Variants in USP6NL observed in about 807,000 individuals in gnomAD.
The protein encoded by USP6NL is USP6 N-terminal like, also known as USP6 N-terminal-like protein.
In USP6NL, 26 loss-of-function variants were observed where a neutral mutation model predicts 61.9. That is an observed-to-expected ratio of 0.42 (90% CI 0.31 to 0.58). USP6NL has a LOEUF of 0.58. Among genes scored for constraint, USP6NL ranks in the 20% least tolerant of loss-of-function variants. USP6NL has a pLI of 0.16. For missense variants in USP6NL, 1,114 were observed against 1,034.3 expected (o/e 1.08, Z -1.06); for synonymous variants, 432 against 390.1 (o/e 1.11, Z -1.27).
rs543403035 is a variant in USP6NL at position 11,478,470 on chromosome 10, A to G, written c.1078+3300T>C. 2.0e-5 allele frequency among the ~76,000 whole-genome samples: 3 copies of G among 152,270 alleles called. No homozygotes were observed. The highest frequency in any genetic ancestry group is 2.1e-4 in the South Asian group (1 of 4,824). ...GAAAAACTCAATTTTTAAAATATCA[A>G]TTTTCTCTCAAAAATCCTTAATGTC... On this transcript the variant is annotated intron_variant, in intron 14 of 14. Coordinates refer to ENST00000609104, the MANE Select transcript of USP6NL (RefSeq NM_014688.5). The surrounding 1 kb of genome is among the most constrained non-coding windows in gnomAD (Gnocchi z 6.8).
At chr10:11,494,482 C>T (rs533127271) in intron 7 of USP6NL, among the ~76,000 whole-genome samples, 7 of 152,148 alleles carry the variant, frequency 4.6e-5, no homozygotes, top group African/African-American at 9.6e-5. Flanking sequence ...TGTGTGGCGA[C>T]GAGAGAGTGC....
At chr10:11,503,714 A>C (rs1834315317) in intron 6 of USP6NL, among the ~76,000 whole-genome samples, 3 of 151,440 alleles carry the variant, frequency 2.0e-5, no homozygotes, top group Admixed American at 2.0e-4. Context: ...AATCTGTTTT[A>C]TTTTATCCCT....
At chr10:11,576,843 T>G (rs1025113594) in intron 2 of USP6NL, among the ~76,000 whole-genome samples, 26 of 152,172 alleles carry the variant, frequency 1.7e-4, no homozygotes, top group African/African-American at 6.3e-4. Flanking sequence ...GCTCTTTATC[T>G]TTCCACCCTT....
At chr10:11,559,475 C>A (rs1301241223) in intron 2 of USP6NL, among the ~76,000 whole-genome samples, 1 of 152,126 alleles carries the variant, frequency 6.6e-6, no homozygotes, top group East Asian at 1.9e-4. Context: ...ACTAGTAAGA[C>A]AGTACAGCTT....
intron 14 of USP6NL, among the ~76,000 whole-genome samples, chr10:11,466,723 C>T (rs1832470091): frequency 6.6e-6 from 1 of 152,116 alleles, no homozygotes; most frequent in African/African-American, 2.4e-5. Flanking sequence ...TGCACTAATA[C>T]AAACCTAGAT....
rs1236710126 is a variant in USP6NL at position 11,520,788 on chromosome 10, A to G, written c.156-2214T>C. On this transcript the variant is annotated intron_variant, in intron 4 of 14. Transcript: ENST00000609104. The surrounding 1 kb of genome is among the most constrained non-coding windows in gnomAD (Gnocchi z 5.2). ...TGTCTCTGGTTGTTTTCATGCTGCA[A>G]CAGCAGGGTTAAGCAGTTGTGACAA... 6.6e-6 allele frequency among the ~76,000 whole-genome samples: 1 copy of G among 152,230 alleles called. No individual in the cohort carries two copies. The highest frequency in any genetic ancestry group is 2.4e-5 in the African/African-American group (1 of 41,472).
intron 7 of USP6NL, among the ~76,000 whole-genome samples, chr10:11,500,205 T>C (rs765628796): frequency 5.3e-5 from 8 of 152,100 alleles, no homozygotes; most frequent in African/African-American, 9.7e-5. Flanking sequence ...TCAGGAAGAA[T>C]AGCCAATGAG....
At chr10:11,475,606 A>AG (rs1396402401) in intron 14 of USP6NL, among the ~76,000 whole-genome samples, 1 of 150,916 alleles carries the variant, frequency 6.6e-6, no homozygotes, top group Non-Finnish European at 1.5e-5. Context: ...CAAAAAAAAA[A>AG]AAAAAAAAAA....
At chr10:11,544,675 G>T (rs998045627) in intron 2 of USP6NL, among the ~76,000 whole-genome samples, 3 of 152,112 alleles carry the variant, frequency 2.0e-5, no homozygotes, top group Admixed American at 2.0e-4. Flanking sequence ...TTTCAGTAGA[G>T]ACGGGGTTTT....
rs11370788 is a variant in USP6NL, at chr10:11,554,801, CT to C, written c.5-27235del. The stretch of plus-strand genomic sequence containing the variant: ...GAGATAGACCCACAAAGTAAGGCAG[CT>C]TTTTTTTTTTTTTTTGAGGCAGAGT... On this transcript the variant is annotated intron_variant, in intron 2 of 14. Coordinates refer to ENST00000609104, the MANE Select transcript of USP6NL (RefSeq NM_014688.5). 1.5e-3 allele frequency among the ~76,000 whole-genome samples: 192 copies of C among 128,242 alleles called. 3 individuals are homozygous for C. In the South Asian group the frequency reaches 0.026, roughly 17 times the overall value. The allele number at this position is 128,242 out of a possible 152,430, so 84.1% of individuals were successfully genotyped here.
In USP6NL at chr10:11,491,423, T is replaced by C. The variant is rs968710442; in HGVS notation, c.495-543A>G. 3.9e-5 allele frequency among the ~76,000 whole-genome samples: 6 copies of C among 152,240 alleles called. No homozygotes were observed. The highest frequency in any genetic ancestry group is 1.2e-4 in the African/African-American group (5 of 41,458). ...ATCCACTAGCAAAGCGTTTGCTTCT[T>C]GGCCCTGCAAGCTTGGGTTCTGCTG... On this transcript the variant is annotated intron_variant, in intron 8 of 14. Coordinates refer to ENST00000609104, the MANE Select transcript of USP6NL (RefSeq NM_014688.5). The surrounding 1 kb of genome is among the most constrained non-coding windows in gnomAD (Gnocchi z 4.7).
chr10:11,558,137 G>A (rs1836787653), intron 2 of USP6NL, among the ~76,000 whole-genome samples: 1 of 152,158 alleles, frequency 6.6e-6, no homozygotes, highest in Admixed American at 6.5e-5. Flanking sequence ...TATTTGCGAA[G>A]CGACAGGTGG....
In USP6NL at chr10:11,574,630, G is replaced by C. The variant is rs1303062149; in HGVS notation, c.4+23001C>G. ...GGCTAAATGCTATGTTTATTAAACTGATTCTCCACCAGCAATTTGTTCCTC... is the reference window on the plus strand; with the variant it reads ...GGCTAAATGCTATGTTTATTAAACTCATTCTCCACCAGCAATTTGTTCCTC... On this transcript the variant is annotated intron_variant, in intron 2 of 14. Transcript: ENST00000609104. The surrounding 1 kb of genome is among the most constrained non-coding windows in gnomAD (Gnocchi z 4.3). Among the ~76,000 whole-genome samples the C allele has an allele frequency of 1.3e-5, 2 of 152,178 alleles. No individual in the cohort carries two copies. The highest frequency in any genetic ancestry group is 2.9e-5 in the Non-Finnish European group (2 of 68,034).
At chr10:11,571,985 AAT>A (rs1837383175) in intron 2 of USP6NL, among the ~76,000 whole-genome samples, 1 of 151,116 alleles carries the variant, frequency 6.6e-6, no homozygotes, top group Non-Finnish European at 1.5e-5. Context: ...TATCTTATTT[AAT>A]ATATAACTAT....
chr10:11,532,152 C>A lies in USP6NL; in HGVS notation c.5-4585G>T, dbSNP rs191547469. ...GACAGATGAACGTTAAAAATATAAA[C>A]AACATCAATTTTAAAAGTACTTTAC... is the stretch of plus-strand genomic sequence containing the variant. On this transcript the variant is annotated intron_variant, in intron 2 of 14. Coordinates refer to ENST00000609104, the MANE Select transcript of USP6NL (RefSeq NM_014688.5). This position sits in a 1 kb window ranked among gnomAD's most constrained non-coding sequence, Gnocchi z 4.1. 2.7e-5 allele frequency: 41 copies of A among 1,491,332 alleles called. No individual in the cohort carries two copies. In the East Asian group the frequency reaches 9.0e-4, roughly 33 times the overall value. The allele number at this position is 1,491,332 out of a possible 1,614,324, so 92.4% of individuals were successfully genotyped here. A position where few individuals can be genotyped will look rare whatever the true frequency, so the allele number is the denominator to read the frequency against.
intron 2 of USP6NL, among the ~76,000 whole-genome samples, chr10:11,578,804 C>A (rs1448892910): frequency 6.6e-6 from 1 of 152,036 alleles, no homozygotes; most frequent in Non-Finnish European, 1.5e-5. Context: ...CAATAAAAAC[C>A]TTTCTATTTC....
intron 7 of USP6NL, 100 bp from the exon 8 acceptor site, chr10:11,493,328 A>G (rs1833781333): frequency 7.0e-6 from 7 of 995,348 alleles, no homozygotes; most frequent in African/African-American, 3.3e-5. Context: ...TTTGGTTTAA[A>G]AAAATCACTC....
intron 14 of USP6NL, among the ~76,000 whole-genome samples, chr10:11,475,877 A>G (rs1158810668): frequency 6.6e-6 from 1 of 152,194 alleles, no homozygotes; most frequent in Non-Finnish European, 1.5e-5. Context: ...AGTATTAAGA[A>G]AACAGTAGTC....
At chr10:11,579,695 C>T (rs1365341277) in intron 2 of USP6NL, among the ~76,000 whole-genome samples, 3 of 152,212 alleles carry the variant, frequency 2.0e-5, no homozygotes, top group South Asian at 2.1e-4. Context: ...TCTATCAGAA[C>T]GCTTATCCCA....
Sources: allele counts gnomAD v4.1 joint callset (sites outside exome capture counted in the v4.1 genomes callset), GRCh38; gene constraint gnomAD v4.1.1; non-coding constraint Gnocchi (gnomAD v3.1); transcripts MANE v1.5; gene names NCBI Gene and HGNC (gene_info 2026-07-23, HGNC 2026-07-21).